The following DOCK4 variants were observed in gnomAD, a reference collection of about 807,000 sequenced individuals.
The protein encoded by DOCK4 is dedicator of cytokinesis protein 4.
DOCK4 carries 97 observed loss-of-function variants against 268.1 expected under a neutral mutation model. That is an observed-to-expected ratio of 0.36 (90% confidence interval 0.31 to 0.43). DOCK4 has a LOEUF of 0.43. DOCK4 is among the 20% of genes least tolerant of loss of function. The pLI is 1.00. For missense variants in DOCK4, 2,145 were observed against 2,455.7 expected, an observed-to-expected ratio of 0.87 and a Z score of 2.67; for synonymous variants, 954 against 887.2, an observed-to-expected ratio of 1.08 and a Z score of -1.34.
At chr7:111,881,322 G>A (rs1308061131) in intron 16 of DOCK4, among the ~76,000 whole-genome samples, 1 of 152,110 alleles carries the variant, frequency 6.6e-6, no homozygotes, top group East Asian at 1.9e-4. Flanking sequence ...ATATAAAAAG[G>A]TGCTCAACAT....
chr7:111,856,285 C>T (rs1178183518), intron 23 of DOCK4, among the ~76,000 whole-genome samples: 2 of 152,158 alleles, frequency 1.3e-5, no homozygotes, highest in Non-Finnish European at 2.9e-5. Flanking sequence ...TCTTGTGACT[C>T]CCAAAATATG....
chr7:111,898,596 T>C (rs1380756338), intron 15 of DOCK4, among the ~76,000 whole-genome samples: 1 of 152,256 alleles, frequency 6.6e-6, no homozygotes, highest in African/African-American at 2.4e-5. Context: ...GCTTGGCATA[T>C]AGTGGGTGTT....
chr7:112,052,435 T>C lies in DOCK4; in HGVS notation c.38-48304A>G, dbSNP rs543982082. On this transcript the variant is annotated intron_variant, in intron 1 of 52. Coordinates refer to ENST00000428084, the MANE Select transcript of DOCK4 (RefSeq NM_001363540.2). ...GGTAGAATTTTGGAGTTTCATTGAATATTCTTTCCTGTTTCCCCTTCTTCC... is the reference window on the plus strand; with the variant it reads ...GGTAGAATTTTGGAGTTTCATTGAACATTCTTTCCTGTTTCCCCTTCTTCC... Among the ~76,000 whole-genome samples, 20 of 152,278 alleles carry C rather than the reference T, an allele frequency of 1.3e-4. No individual in the cohort carries two copies. In the East Asian group the frequency reaches 3.7e-3, roughly 28 times the overall value.
chr7:111,783,021 A>G (rs1290752137), intron 34 of DOCK4, 97 bp from the exon 35 acceptor site: 26 of 1,112,732 alleles, frequency 2.3e-5, no homozygotes, highest in Non-Finnish European at 2.9e-5. Flanking sequence ...AAAGAAAGAA[A>G]AAAAAAAAAA....
At chr7:112,159,998 C>A (rs954903909) in intron 1 of DOCK4, among the ~76,000 whole-genome samples, 2 of 152,036 alleles carry the variant, frequency 1.3e-5, no homozygotes, top group African/African-American at 4.8e-5. Flanking sequence ...CAACATGACA[C>A]TCCAATGAGC....
intron 16 of DOCK4, among the ~76,000 whole-genome samples, chr7:111,893,590 T>C (rs1395925028): frequency 6.6e-6 from 1 of 152,228 alleles, no homozygotes; most frequent in Non-Finnish European, 1.5e-5. Flanking sequence ...ATATATCTTA[T>C]CGGGCAGCCT....
intron 27 of DOCK4, among the ~76,000 whole-genome samples, chr7:111,816,439 C>T (rs753602012): frequency 1.3e-4 from 20 of 152,134 alleles, no homozygotes; most frequent in African/African-American, 2.7e-4. Flanking sequence ...TGCATCTAAA[C>T]GAGTGGTTCT....
At chr7:112,162,555 C>CCA (rs554336104) in intron 1 of DOCK4, among the ~76,000 whole-genome samples, 201 of 151,696 alleles carry the variant, frequency 1.3e-3, no homozygotes, top group Middle Eastern at 6.8e-3. Flanking sequence ...TCCCTGCCAC[C>CCA]CACACACCCC....
Position 111,872,326 on chromosome 7 carries a change from T to C in DOCK4, c.1869A>G (p.Leu623=), listed in dbSNP as rs1299291401. The part of the protein sequence containing the change: ...VKFLQDTLDT[L]FGILDENSQK... ...GGGAATTTTCATCTAAAATTCCAAA[T>C]AAGGTATCCAGTGTATCCTGCAGAA... Residue 623 remains leucine, a synonymous_variant, in exon 19 of 53, where the codon TTA becomes TTG. Transcript: ENST00000428084. 6.4e-7 allele frequency: 1 copy of C among 1,560,442 alleles called. No homozygotes were observed. Among genetic ancestry groups the C allele is most frequent in the Non-Finnish European group, 8.7e-7 (1 of 1,151,954 alleles).
intron 30 of DOCK4, among the ~76,000 whole-genome samples, chr7:111,801,471 G>C (rs758106858): frequency 5.9e-5 from 9 of 152,084 alleles, no homozygotes; most frequent in Non-Finnish European, 1.3e-4. Context: ...AAAAACCCTG[G>C]TGTTCTTCCA....
chr7:111,845,378 G>C (rs922937472), intron 24 of DOCK4, among the ~76,000 whole-genome samples: 2 of 152,156 alleles, frequency 1.3e-5, no homozygotes, highest in African/African-American at 4.8e-5. Context: ...AAAAATCTTT[G>C]CATGTAAATA....
Position 111,836,175 on chromosome 7 carries a change from C to T in DOCK4, c.2737-1489G>A, listed in dbSNP as rs114776515. On this transcript the variant is annotated intron_variant, in intron 25 of 52. Transcript: ENST00000428084. The stretch of plus-strand genomic sequence containing the variant: ...AGGATTGAGAGAACAGTGCCTTGTG[C>T]TCACACAGGACTGGGAATAATAGAG... Among the ~76,000 whole-genome samples, 292 of 149,934 alleles carry T rather than the reference C, an allele frequency of 1.9e-3. 1 individual carries two copies. Among genetic ancestry groups the T allele is most frequent in the African/African-American group, 6.8e-3 (280 of 40,894 alleles).
intron 26 of DOCK4, among the ~76,000 whole-genome samples, chr7:111,823,646 C>G (rs1346679650): frequency 6.6e-6 from 1 of 152,198 alleles, no homozygotes; most frequent in Non-Finnish European, 1.5e-5. Flanking sequence ...GGGATTAGCT[C>G]AATCTAGCTT....
intron 12 of DOCK4, among the ~76,000 whole-genome samples, chr7:111,926,874 G>A (rs1329980183): frequency 1.4e-5 from 2 of 140,808 alleles, no homozygotes; most frequent in Non-Finnish European, 3.1e-5. Flanking sequence ...AGAGAGAAAG[G>A]AAGGAAGGAA....
intron 30 of DOCK4, among the ~76,000 whole-genome samples, chr7:111,795,694 T>G (rs1799844174): frequency 6.6e-6 from 1 of 152,154 alleles, no homozygotes; most frequent in Non-Finnish European, 1.5e-5. Context: ...GCTATAGTAG[T>G]TAGAATGTAA....
chr7:111,925,563 G>A (rs1793537944), intron 12 of DOCK4, among the ~76,000 whole-genome samples: 1 of 152,166 alleles, frequency 6.6e-6, no homozygotes, highest in Non-Finnish European at 1.5e-5. Context: ...GAAAATGGGA[G>A]CTGTGAACAT....
chr7:111,778,411 C>T, intron 35 of DOCK4, 42 bp from the exon 36 acceptor site: 1 of 1,329,632 alleles, frequency 7.5e-7, no homozygotes. Context: ...CCTCAACAAT[C>T]TGGCCTACAA....
intron 1 of DOCK4, among the ~76,000 whole-genome samples, chr7:112,105,884 T>C (rs1216594964): frequency 1.3e-5 from 2 of 151,984 alleles, no homozygotes; most frequent in African/African-American, 2.4e-5. Flanking sequence ...AGAGACAGGA[T>C]CTCACTATGT....
chr7:111,798,783 A>T (rs994549446), intron 30 of DOCK4, among the ~76,000 whole-genome samples: 1 of 152,250 alleles, frequency 6.6e-6, no homozygotes, highest in Non-Finnish European at 1.5e-5. Flanking sequence ...CACTTGAATT[A>T]AGCAAAGGAA....
Sources: gnomAD v4.1 joint callset for allele counts (sites outside exome capture counted in the v4.1 genomes callset) on GRCh38, gnomAD v4.1.1 for gene constraint, MANE v1.5 for transcripts, NCBI Gene and HGNC (gene_info 2026-07-23, HGNC 2026-07-21) for gene names.